The following RGS7 variants were observed in gnomAD, a reference collection of about 807,000 sequenced individuals.
RGS7 encodes the protein regulator of G-protein signaling 7.
RGS7 carries 27 observed loss-of-function variants against 81.1 expected under a neutral mutation model. The observed-to-expected ratio is 0.33, with a 90% CI of 0.25 to 0.46. The LOEUF is 0.46. Among genes scored for constraint, RGS7 ranks in the 20% least tolerant of loss-of-function variants. RGS7 has a pLI of 1.00. For synonymous variants in RGS7, 208 were observed against 207.7 expected (o/e 1.00, Z -0.01); for missense variants, 396 against 607.4 (o/e 0.65, Z 3.66).
At chr1:241,274,215 C>T (rs2078073008) in intron 2 of RGS7, among the ~76,000 whole-genome samples, 1 of 152,208 alleles carries the variant, frequency 6.6e-6, no homozygotes. Flanking sequence ...GTTCCCACCA[C>T]ATCTTTGTCA....
intron 2 of RGS7, among the ~76,000 whole-genome samples, chr1:241,270,557 C>T (rs903855510): frequency 6.6e-6 from 1 of 152,170 alleles, no homozygotes; most frequent in Non-Finnish European, 1.5e-5. Context: ...CGGTTTTCTC[C>T]ATCCTGATGT....
chr1:240,908,107 C>A (rs1022609611), intron 6 of RGS7, among the ~76,000 whole-genome samples: 12 of 148,100 alleles, frequency 8.1e-5, no homozygotes, highest in Admixed American at 5.5e-4. Context: ...GGCAGAAAAC[C>A]AAACACCACA....
intron 3 of RGS7, among the ~76,000 whole-genome samples, chr1:241,078,272 AT>A: frequency 6.9e-6 from 1 of 144,354 alleles, no homozygotes; most frequent in East Asian, 2.0e-4. Flanking sequence ...CATATAACAT[AT>A]TTTTCCTGTG....
chr1:240,858,834 A>G (rs928422417), intron 9 of RGS7, among the ~76,000 whole-genome samples: 1 of 152,228 alleles, frequency 6.6e-6, no homozygotes, highest in Non-Finnish European at 1.5e-5. Flanking sequence ...ACCTGGAATA[A>G]TTCCCACTTC....
intron 18 of RGS7, among the ~76,000 whole-genome samples, chr1:240,785,340 C>T (rs186572481): frequency 1.2e-4 from 18 of 152,294 alleles, no homozygotes; most frequent in African/African-American, 4.1e-4. Flanking sequence ...AGATGAACTT[C>T]CTATCTATGT....
intron 18 of RGS7, among the ~76,000 whole-genome samples, chr1:240,792,943 G>T (rs1438719744): frequency 6.6e-6 from 1 of 152,040 alleles, no homozygotes; most frequent in Non-Finnish European, 1.5e-5. Flanking sequence ...TTGAATACAT[G>T]GGTGCTCTTG....
At chr1:240,882,927 T>C (rs930257243) in intron 6 of RGS7, among the ~76,000 whole-genome samples, 5 of 152,200 alleles carry the variant, frequency 3.3e-5, no homozygotes, top group African/African-American at 1.2e-4. Flanking sequence ...GTGTCTGATG[T>C]TCCCCTTCCT....
intron 4 of RGS7, among the ~76,000 whole-genome samples, chr1:240,966,169 A>T (rs186861662): frequency 2.1e-4 from 32 of 151,930 alleles, no homozygotes; most frequent in South Asian, 8.3e-4. Flanking sequence ...AAACTATATA[A>T]AAAAAAAGTC....
chr1:240,927,345 G>A (rs758469756), intron 6 of RGS7, among the ~76,000 whole-genome samples: 1 of 152,140 alleles, frequency 6.6e-6, no homozygotes, highest in African/African-American at 2.4e-5. Flanking sequence ...GATTACAGGC[G>A]TGAGCCACCG....
intron 2 of RGS7, among the ~76,000 whole-genome samples, chr1:241,299,758 A>T (rs2079621995): frequency 6.6e-6 from 1 of 151,522 alleles, no homozygotes; most frequent in African/African-American, 2.4e-5. Flanking sequence ...CTTTCATTTT[A>T]GTCCTTAACT....
At chr1:241,027,453 T>C (rs28660280) in intron 3 of RGS7, among the ~76,000 whole-genome samples, 20,037 of 152,184 alleles carry the variant, frequency 0.13, 1,841 homozygotes, top group African/African-American at 0.25. Context: ...TTTTAAAAGA[T>C]GACTTTGGCT....
intron 2 of RGS7, among the ~76,000 whole-genome samples, chr1:241,196,275 C>A: frequency 6.6e-6 from 1 of 151,616 alleles, no homozygotes; most frequent in African/African-American, 2.4e-5. Flanking sequence ...CAAAAATTCA[C>A]AAAATAAAAG....
intron 2 of RGS7, among the ~76,000 whole-genome samples, chr1:241,222,187 A>G (rs1037159341): frequency 1.3e-5 from 2 of 152,224 alleles, no homozygotes; most frequent in African/African-American, 4.8e-5. Context: ...AGCTGCCAGC[A>G]TTACTTGATC....
intron 6 of RGS7, among the ~76,000 whole-genome samples, chr1:240,891,316 T>C (rs534390775): frequency 1.0e-3 from 155 of 152,332 alleles, no homozygotes; most frequent in African/African-American, 3.6e-3. Context: ...TGATTATCAG[T>C]TCTTTAGTGA....
intron 4 of RGS7, among the ~76,000 whole-genome samples, chr1:240,940,015 G>T (rs565112194): frequency 6.6e-6 from 1 of 152,282 alleles, no homozygotes; most frequent in South Asian, 2.1e-4. Flanking sequence ...GGGAGGTGGA[G>T]GTTGTAGTTA....
chr1:241,092,455 T>C (rs1349591521), intron 3 of RGS7, among the ~76,000 whole-genome samples: 1 of 152,222 alleles, frequency 6.6e-6, no homozygotes, highest in African/African-American at 2.4e-5. Context: ...CATTGTAAGT[T>C]ACAGGATATG....
At position 240,846,229 on chromosome 1, in the gene RGS7, T is replaced by C. The variant is rs555978578; in HGVS notation, c.610-19057A>G. On this transcript the variant is annotated intron_variant, in intron 9 of 18. Coordinates refer to ENST00000440928, the MANE Select transcript of RGS7 (RefSeq NM_001364886.1). ...TCATTCCCAGTATAAAAATCATTCATAAAAAGTACTTTCATGTTCATCTCA... is the reference window on the plus strand; with the variant it reads ...TCATTCCCAGTATAAAAATCATTCACAAAAAGTACTTTCATGTTCATCTCA... Among the ~76,000 whole-genome samples, 9 of 152,306 alleles carry C rather than the reference T, an allele frequency of 5.9e-5. No homozygotes were observed. The East Asian group carries it at 7.7e-4, about 13-fold the overall frequency.
intron 3 of RGS7, among the ~76,000 whole-genome samples, chr1:241,050,895 G>C (rs772635608): frequency 9.2e-5 from 14 of 152,156 alleles, no homozygotes; most frequent in Non-Finnish European, 2.1e-4. Flanking sequence ...ATGTTTATAT[G>C]ATTGGTAAGG....
At position 241,081,273 on chromosome 1, in the gene RGS7, C is replaced by T. The variant is rs59852263; in HGVS notation, c.175+17393G>A. On this transcript the variant is annotated intron_variant, in intron 3 of 18. Coordinates refer to ENST00000440928, the MANE Select transcript of RGS7 (RefSeq NM_001364886.1). ...TTTTCTTTCTTGGCTTAGATGCCCACTTTTTAGTACAGTCTGACATAATCT... is the reference window on the plus strand; with the variant it reads ...TTTTCTTTCTTGGCTTAGATGCCCATTTTTTAGTACAGTCTGACATAATCT... Among the ~76,000 whole-genome samples, 624 of 152,316 alleles carry T rather than the reference C, an allele frequency of 4.1e-3. 5 individuals carry two copies. The highest frequency in any genetic ancestry group is 0.013 in the African/African-American group (557 of 41,568).
Sources: allele counts gnomAD v4.1 joint callset (sites outside exome capture counted in the v4.1 genomes callset), GRCh38; gene constraint gnomAD v4.1.1; transcripts MANE v1.5; gene names NCBI Gene and HGNC (gene_info 2026-07-23, HGNC 2026-07-21).